Variants in MYOZ2 observed in about 807,000 individuals in gnomAD.
The protein encoded by MYOZ2 is myozenin 2.
In MYOZ2, 19 loss-of-function variants were observed where a neutral mutation model predicts 25.4. The ratio of observed to expected loss-of-function variants is 0.75; its 90% CI spans 0.52 to 1.10. The LOEUF (loss-of-function observed/expected upper bound fraction) is 1.10, where lower values mean the gene tolerates loss of function less well. MYOZ2 is among the 50% of genes least tolerant of loss of function. MYOZ2 has a pLI of 0.00. For missense variants in MYOZ2, 270 were observed against 317.9 expected, an observed-to-expected ratio of 0.85 and a Z score of 1.15; for synonymous variants, 92 against 106.9, an observed-to-expected ratio of 0.86 and a Z score of 0.86.
At chr4:119,155,281 A>G (rs949634322) in intron 3 of MYOZ2, among the ~76,000 whole-genome samples, 2 of 152,208 alleles carry the variant, frequency 1.3e-5, no homozygotes, top group African/African-American at 4.8e-5. Context: ...AGAGGGGACA[A>G]ATATCCAAAT....
intron 5 of MYOZ2, 127 bp from the exon 6 acceptor site, chr4:119,185,839 A>G (rs886671732): frequency 7.8e-6 from 6 of 767,692 alleles, no homozygotes; most frequent in Non-Finnish European, 1.3e-5. Flanking sequence ...CATAGAATAT[A>G]AGTAAGCCCA....
At chr4:119,161,188 C>T (rs78527499) in intron 4 of MYOZ2, among the ~76,000 whole-genome samples, 40 of 152,122 alleles carry the variant, frequency 2.6e-4, no homozygotes, top group Middle Eastern at 3.4e-3. Flanking sequence ...ATTTATGTAC[C>T]TATTTAGAGC....
chr4:119,174,729 C>G (rs1742019028), intron 5 of MYOZ2, among the ~76,000 whole-genome samples: 1 of 152,148 alleles, frequency 6.6e-6, no homozygotes, highest in Admixed American at 6.5e-5. Context: ...GCTGCCCAAG[C>G]CAGCAGTGGC....
intron 2 of MYOZ2, among the ~76,000 whole-genome samples, chr4:119,148,359 C>T (rs1270628480): frequency 6.6e-6 from 1 of 152,096 alleles, no homozygotes; most frequent in East Asian, 1.9e-4. Context: ...GTTCTCTTAG[C>T]TTCTCGAATC....
chr4:119,152,374 G>T (rs1741474812), intron 3 of MYOZ2, among the ~76,000 whole-genome samples: 1 of 152,018 alleles, frequency 6.6e-6, no homozygotes, highest in African/African-American at 2.4e-5. Flanking sequence ...CTATGGAGTA[G>T]TACAAAATAA....
At chr4:119,156,927 C>T (rs1447326101) in intron 3 of MYOZ2, among the ~76,000 whole-genome samples, 1 of 152,002 alleles carries the variant, frequency 6.6e-6, no homozygotes, top group African/African-American at 2.4e-5. Context: ...AACTTTATTT[C>T]CTTCATAATT....
At chr4:119,164,098 G>A in intron 4 of MYOZ2, 113 bp from the exon 5 acceptor site, 1 of 974,712 alleles carries the variant, frequency 1.0e-6, no homozygotes, top group Non-Finnish European at 1.6e-6. Context: ...TGAAAAGGAT[G>A]CATGCTTCAT....
At chr4:119,140,762 T>C (rs1741144288) in intron 2 of MYOZ2, among the ~76,000 whole-genome samples, 1 of 152,224 alleles carries the variant, frequency 6.6e-6, no homozygotes, top group South Asian at 2.1e-4. Context: ...GATTATTCTG[T>C]TTGTATAATT....
intron 4 of MYOZ2, among the ~76,000 whole-genome samples, chr4:119,162,148 G>A (rs1561120033): frequency 6.6e-6 from 1 of 152,058 alleles, no homozygotes; most frequent in African/African-American, 2.4e-5. Flanking sequence ...GTAGAAATTC[G>A]CACATGACAA....
intron 5 of MYOZ2, among the ~76,000 whole-genome samples, chr4:119,170,510 G>A (rs1202983711): frequency 2.0e-5 from 3 of 151,868 alleles, no homozygotes; most frequent in Non-Finnish European, 2.9e-5. Flanking sequence ...ACTTTCTTAA[G>A]TTTTCTGTAC....
At chr4:119,140,185 A>G (rs921994846) in intron 2 of MYOZ2, among the ~76,000 whole-genome samples, 6 of 152,216 alleles carry the variant, frequency 3.9e-5, no homozygotes, top group Non-Finnish European at 8.8e-5. Context: ...GAGTTTCTCT[A>G]TCAGTAACAA....
intron 5 of MYOZ2, among the ~76,000 whole-genome samples, chr4:119,170,017 A>T (rs780383353): frequency 2.0e-5 from 3 of 152,202 alleles, no homozygotes; most frequent in Non-Finnish European, 4.4e-5. Context: ...TGATATACAC[A>T]TAACATAAAA....
chr4:119,153,089 T>A (rs569840674), intron 3 of MYOZ2, among the ~76,000 whole-genome samples: 14 of 151,732 alleles, frequency 9.2e-5, no homozygotes, highest in Non-Finnish European at 1.9e-4. Context: ...CTTTCTGAAT[T>A]TTCCCCCTCA....
chr4:119,168,016 A>G (rs1741862765), intron 5 of MYOZ2, among the ~76,000 whole-genome samples: 2 of 152,356 alleles, frequency 1.3e-5, no homozygotes, highest in South Asian at 4.1e-4. Flanking sequence ...TCTGTCACCC[A>G]GGCTGGAGTG....
chr4:119,158,784 C>T (rs993610274), intron 4 of MYOZ2, among the ~76,000 whole-genome samples: 5 of 152,038 alleles, frequency 3.3e-5, no homozygotes, highest in African/African-American at 1.2e-4. Context: ...TCTTTAATTT[C>T]GCAGTAACTC....
rs1463156752 is a variant in MYOZ2, at chr4:119,135,916, C to T, written c.-81C>T. On this transcript the variant is annotated 5_prime_UTR_variant, in exon 1 of 6. Transcript: ENST00000307128. ...TCAGGCCCAAGTGCCATCCATAGTC[C>T]ATCTCCAGAGTCTTCCTCCACAAAC... 2 of 160,214 alleles carry T rather than the reference C, an allele frequency of 1.2e-5. No individual in the cohort carries two copies. The highest frequency in any genetic ancestry group is 1.2e-4 in the Admixed American group (2 of 16,644). The allele number at this position is 160,214 out of a possible 1,614,324, so 9.9% of individuals were successfully genotyped here. A position where few individuals can be genotyped will look rare whatever the true frequency, so the allele number is the denominator to read the frequency against.
intron 3 of MYOZ2, among the ~76,000 whole-genome samples, chr4:119,156,621 T>C (rs1741583282): frequency 6.6e-6 from 1 of 152,202 alleles, no homozygotes; most frequent in Non-Finnish European, 1.5e-5. Flanking sequence ...TAATAGAGAT[T>C]AAGTATTTTT....
chr4:119,165,940 G>A (rs1191876127), intron 5 of MYOZ2, among the ~76,000 whole-genome samples: 2 of 152,134 alleles, frequency 1.3e-5, no homozygotes, highest in Non-Finnish European at 2.9e-5. Flanking sequence ...TAAATACCAG[G>A]TGAGTACTAT....
intron 2 of MYOZ2, among the ~76,000 whole-genome samples, chr4:119,148,725 A>ATTTTTTTTT (rs202187477): frequency 3.0e-5 from 2 of 67,134 alleles, no homozygotes; most frequent in African/African-American, 6.5e-5. Flanking sequence ...CTCGACTGAG[A>ATTTTTTTTT]TTTTTTTTTT....
Sources: allele counts gnomAD v4.1 joint callset (sites outside exome capture counted in the v4.1 genomes callset), GRCh38; gene constraint gnomAD v4.1.1; transcripts MANE v1.5; gene names NCBI Gene and HGNC (gene_info 2026-07-23, HGNC 2026-07-21).